TMEM242: variants seen among roughly 807,000 people sequenced by gnomAD.
The protein encoded by TMEM242 is transmembrane protein 242.
A neutral mutation model predicts 18.2 loss-of-function variants in TMEM242; 10 were observed. The observed-to-expected ratio is 0.55, with a 90% CI of 0.34 to 0.93. The LOEUF is 0.93. TMEM242 is among the 40% of genes least tolerant of loss of function. The pLI, the probability that TMEM242 is intolerant of heterozygous loss-of-function variation, is 0.02. For missense variants in TMEM242, 186 were observed against 175.5 expected (o/e 1.06, Z -0.34); for synonymous variants, 57 against 69.9 (o/e 0.81, Z 0.92).
chr6:157,321,016 T>C (rs1196496942), intron 2 of TMEM242, among the ~76,000 whole-genome samples: 4 of 148,958 alleles, frequency 2.7e-5, no homozygotes, highest in Non-Finnish European at 6.0e-5. Context: ...TTTTTTCTTT[T>C]TTTTTTTTTT....
At chr6:157,313,154 CTGGCCT>C (rs1778248227) in intron 3 of TMEM242, among the ~76,000 whole-genome samples, 3 of 147,116 alleles carry the variant, frequency 2.0e-5, no homozygotes, top group South Asian at 2.2e-4. Flanking sequence ...GTGCGCTCAC[CTGGCCT>C]CATCATAGTG....
At chr6:157,316,623 C>T (rs1753510326) in intron 3 of TMEM242, among the ~76,000 whole-genome samples, 1 of 152,170 alleles carries the variant, frequency 6.6e-6, no homozygotes, top group Non-Finnish European at 1.5e-5. Context: ...CACCTTTAAT[C>T]CCAGCACTTC....
At chr6:157,306,663 G>A (rs782546239) in intron 3 of TMEM242, among the ~76,000 whole-genome samples, 3 of 152,128 alleles carry the variant, frequency 2.0e-5, no homozygotes, top group Admixed American at 6.5e-5. Context: ...GAGAAGAGAT[G>A]AGGGGAGGAA....
chr6:157,316,354 G>A (rs972973496), intron 3 of TMEM242, among the ~76,000 whole-genome samples: 1 of 152,074 alleles, frequency 6.6e-6, no homozygotes, highest in African/African-American at 2.4e-5. Flanking sequence ...TATAAAATGG[G>A]GGATATTAAT....
rs200623493 is a variant in TMEM242 at position 157,291,317 on chromosome 6, ACGAGTAAAGTGCAT to A, written c.*1570_*1583del. The A allele has an allele frequency of 0.032, 4,942 of 152,242 alleles. 129 individuals carry two copies. Among genetic ancestry groups the A allele is most frequent in the Admixed American group, 0.047 (716 of 15,304 alleles). 9.4% of individuals were successfully genotyped at this position (152,242 alleles called of 1,614,324 possible). On this transcript the variant is annotated 3_prime_UTR_variant, in exon 4 of 4. Transcript: ENST00000400788. ...CCCATTCTTTTTCCCCCCACATCAA[ACGAGTAAAGTGCAT>A]CGTTGTAACAAGGTTTGAGGGCCAT... is the stretch of plus-strand genomic sequence containing the variant.
Position 157,305,148 on chromosome 6 carries a change from G to C in TMEM242, c.328-12149C>G, listed in dbSNP as rs1298758736. Among the ~76,000 whole-genome samples the C allele has an allele frequency of 6.6e-6, 1 of 152,138 alleles. No homozygotes were observed. The highest frequency in any genetic ancestry group is 1.5e-5 in the Non-Finnish European group (1 of 68,022). On this transcript the variant is annotated intron_variant, in intron 3 of 3. Transcript: ENST00000400788. The surrounding 1 kb of genome is among the most constrained non-coding windows in gnomAD (Gnocchi z 4.1). The stretch of plus-strand genomic sequence containing the variant: ...GGAGAAAAAATTCTAGAAGGAATAA[G>C]GAAGAGGCCGGGAAACTGGACAGGA...
intron 3 of TMEM242, among the ~76,000 whole-genome samples, chr6:157,295,393 T>C (rs976202768): frequency 6.6e-6 from 1 of 152,218 alleles, no homozygotes; most frequent in South Asian, 2.1e-4. Context: ...CTGGCCAGGG[T>C]TGGCAATGTG....
intron 1 of TMEM242, 87 bp downstream of exon 1, chr6:157,323,325 A>G: frequency 7.3e-7 from 1 of 1,379,174 alleles, no homozygotes. Flanking sequence ...TCAGAGCGGG[A>G]TGTGTGTGGG....
chr6:157,304,333 G>T (rs963909138), intron 3 of TMEM242, among the ~76,000 whole-genome samples: 1 of 151,716 alleles, frequency 6.6e-6, no homozygotes, highest in African/African-American at 2.4e-5. Context: ...GGGCATGGTG[G>T]TGCATGCCTG....
intron 3 of TMEM242, among the ~76,000 whole-genome samples, chr6:157,313,037 CCAG>C (rs1778236726): frequency 6.6e-6 from 1 of 152,022 alleles, no homozygotes; most frequent in African/African-American, 2.4e-5. Flanking sequence ...TCATAGTGTC[CCAG>C]TGTGCACTCA....
Position 157,308,752 on chromosome 6 carries a change from TG to T in TMEM242, c.327+10029del, listed in dbSNP as rs369800488. The stretch of plus-strand genomic sequence containing the variant: ...GGAGAGATACAGGAAGAAAGAGAGT[TG>T]GGGGTGGGGGTGGATTACTTTCTAT... On this transcript the variant is annotated intron_variant, in intron 3 of 3. Coordinates refer to ENST00000400788, the MANE Select transcript of TMEM242 (RefSeq NM_018452.6). Among the ~76,000 whole-genome samples, 11 of 131,110 alleles carry T rather than the reference TG, an allele frequency of 8.4e-5. No homozygotes were observed. In the South Asian group the frequency reaches 3.0e-3, roughly 35 times the overall value. The allele number at this position is 131,110 out of a possible 152,430, so 86.0% of individuals were successfully genotyped here.
rs1324493146 is a variant in TMEM242 at position 157,305,461 on chromosome 6, G to C, written c.328-12462C>G. The stretch of plus-strand genomic sequence containing the variant: ...CATGGGTCATGTGACACGCCTATGA[G>C]GGCGTGTCATATTGTGAGGGCACAC... On this transcript the variant is annotated intron_variant, in intron 3 of 3. Coordinates refer to ENST00000400788, the MANE Select transcript of TMEM242 (RefSeq NM_018452.6). This position sits in a 1 kb window ranked among gnomAD's most constrained non-coding sequence, Gnocchi z 4.1. Among the ~76,000 whole-genome samples, 3 of 152,124 alleles carry C rather than the reference G, an allele frequency of 2.0e-5. No individual in the cohort carries two copies. The highest frequency in any genetic ancestry group is 2.9e-5 in the Non-Finnish European group (2 of 68,030).
intron 2 of TMEM242, among the ~76,000 whole-genome samples, chr6:157,319,896 CTTT>C (rs1778465018): frequency 6.6e-6 from 1 of 152,170 alleles, no homozygotes; most frequent in African/African-American, 2.4e-5. Flanking sequence ...GTTTCCTGCC[CTTT>C]AATGGGGACC....
intron 3 of TMEM242, chr6:157,299,186 G>T: frequency 3.2e-6 from 2 of 634,832 alleles, no homozygotes; most frequent in Admixed American, 1.9e-5. Flanking sequence ...GACCCCTAAT[G>T]ATGGTGGAAA....
intron 3 of TMEM242, among the ~76,000 whole-genome samples, chr6:157,295,231 C>T (rs1777736094): frequency 6.6e-6 from 1 of 152,154 alleles, no homozygotes; most frequent in Non-Finnish European, 1.5e-5. Context: ...GTGTTCTGGA[C>T]CCAGACACTA....
rs1554247511 is a variant in TMEM242, at chr6:157,301,154, G to T, written c.328-8155C>A. 2.6e-5 allele frequency among the ~76,000 whole-genome samples: 4 copies of T among 152,074 alleles called. No homozygotes were observed. In the South Asian group the frequency reaches 8.3e-4, roughly 31 times the overall value. ...ATAAACAGCATTCTGCCCGTGTAAT[G>T]GTTCCTCAAAAGCTCTCCCTCTTGT... On this transcript the variant is annotated intron_variant, in intron 3 of 3. Coordinates refer to ENST00000400788, the MANE Select transcript of TMEM242 (RefSeq NM_018452.6).
chr6:157,310,208 T>G (rs1184484409), intron 3 of TMEM242, among the ~76,000 whole-genome samples: 2 of 152,230 alleles, frequency 1.3e-5, no homozygotes, highest in Non-Finnish European at 2.9e-5. Context: ...TCACTGCTCT[T>G]GAGTCACATG....
intron 3 of TMEM242, among the ~76,000 whole-genome samples, chr6:157,311,624 G>C (rs367728471): frequency 6.7e-5 from 1 of 15,032 alleles, no homozygotes; most frequent in East Asian, 2.1e-3. Context: ...CCCAGTGTGC[G>C]CTCACCTGGC....
intron 3 of TMEM242, among the ~76,000 whole-genome samples, chr6:157,310,452 A>G (rs797042860): frequency 0.016 from 136 of 8,558 alleles, no homozygotes; most frequent in African/African-American, 0.042. Flanking sequence ...GCACTCACCT[A>G]GCCTCATCAC....
Sources: allele counts gnomAD v4.1 joint callset (sites outside exome capture counted in the v4.1 genomes callset), GRCh38; gene constraint gnomAD v4.1.1; non-coding constraint Gnocchi (gnomAD v3.1); transcripts MANE v1.5; gene names NCBI Gene and HGNC (gene_info 2026-07-23, HGNC 2026-07-21).